SNAP91: variants seen among roughly 807,000 people sequenced by gnomAD.
SNAP91 encodes synaptosome associated protein 91.
In SNAP91, 27 loss-of-function variants were observed where a neutral mutation model predicts 100.3. That is an observed-to-expected ratio of 0.27 (90% confidence interval 0.20 to 0.37). The LOEUF (loss-of-function observed/expected upper bound fraction) is 0.37, where lower values mean the gene tolerates loss of function less well. Ranked by LOEUF, SNAP91 falls within the 10% of genes least tolerant of loss-of-function variation. SNAP91 has a pLI of 1.00. For missense variants in SNAP91, 986 were observed against 1,123.7 expected, an observed-to-expected ratio of 0.88 and a Z score of 1.75; for synonymous variants, 404 against 398.6, an observed-to-expected ratio of 1.01 and a Z score of -0.16.
rs564882446 is a variant in SNAP91 at position 83,702,651 on chromosome 6, ATTGAG to A, written c.130+5142_130+5146del. The stretch of plus-strand genomic sequence containing the variant: ...ACTAAAACAACTTTTTAAAAATCAA[ATTGAG>A]TTATCAATTTTATTCTAAGAAAGTA... On this transcript the variant is annotated intron_variant, in intron 2 of 29. Transcript: ENST00000369694. 4.6e-5 allele frequency among the ~76,000 whole-genome samples: 7 copies of A among 152,250 alleles called. No homozygotes were observed. The South Asian group carries it at 1.0e-3, about 23-fold the overall frequency.
chr6:83,633,257 T>C (rs762597420), intron 8 of SNAP91, among the ~76,000 whole-genome samples: 1 of 152,176 alleles, frequency 6.6e-6, no homozygotes, highest in African/African-American at 2.4e-5. Context: ...CTCTCAGCCA[T>C]GTATACCAGC....
chr6:83,592,422 T>C lies in SNAP91; in HGVS notation c.1930+33A>G, dbSNP rs374030061. ...AAAAATTATTCTGAAGAAAAAAAGA[T>C]TCCTTAAGTGTTGATGGAGGAGAAA... On this transcript the variant is annotated intron_variant, in intron 21 of 29. Coordinates refer to ENST00000369694, the MANE Select transcript of SNAP91 (RefSeq NM_001242792.2). 78 of 1,404,796 alleles carry C rather than the reference T, an allele frequency of 5.6e-5. No homozygotes were observed. In the Admixed American group the frequency reaches 6.1e-4, roughly 11 times the overall value. The allele number at this position is 1,404,796 out of a possible 1,614,324, so 87.0% of individuals were successfully genotyped here.
intron 23 of SNAP91, among the ~76,000 whole-genome samples, 172 bp downstream of exon 23, chr6:83,582,050 A>G (rs573532207): frequency 1.3e-5 from 2 of 151,246 alleles, no homozygotes; most frequent in African/African-American, 4.9e-5. Flanking sequence ...ACCAATGTGT[A>G]CTATAAATTT....
intron 7 of SNAP91, among the ~76,000 whole-genome samples, chr6:83,652,616 T>C (rs1009136232): frequency 2.6e-5 from 4 of 152,148 alleles, no homozygotes; most frequent in Non-Finnish European, 2.9e-5. Flanking sequence ...TTGAACAAAC[T>C]GTTGTCTGTC....
chr6:83,591,297 A>G lies in SNAP91; in HGVS notation c.1931-3T>C. 1 of 1,601,698 alleles carries G rather than the reference A, an allele frequency of 6.2e-7. No homozygotes were observed. Among genetic ancestry groups the G allele is most frequent in the Non-Finnish European group, 8.6e-7 (1 of 1,168,868 alleles). ...AGAAGCACTACTTCCAAATGCATCT[A>G]TCCGTTATCCATTGTGCAGCGGAAA... On this transcript the variant is annotated splice_polypyrimidine_tract_variant and splice_region_variant and intron_variant, in intron 21 of 29. Transcript: ENST00000369694.
rs528976783 is a variant in SNAP91, at chr6:83,671,291, G to A, written c.131-5710C>T. Among the ~76,000 whole-genome samples the A allele has an allele frequency of 4.6e-5, 7 of 152,004 alleles. No individual in the cohort carries two copies. In the South Asian group the frequency reaches 1.2e-3, roughly 27 times the overall value. On this transcript the variant is annotated intron_variant, in intron 2 of 29. Transcript: ENST00000369694. ...ATGGGGATATTTATTTTTCATTTCA[G>A]TATCTAAATGTTCTTGCCAATATTG...
At chr6:83,671,991 G>C (rs2128831481) in intron 2 of SNAP91, among the ~76,000 whole-genome samples, 1 of 151,890 alleles carries the variant, frequency 6.6e-6, no homozygotes, top group South Asian at 2.1e-4. Flanking sequence ...GCTGTCACTT[G>C]CTCAAAACCC....
intron 29 of SNAP91, among the ~76,000 whole-genome samples, chr6:83,554,971 T>C (rs1011874074): frequency 6.6e-6 from 1 of 152,192 alleles, no homozygotes; most frequent in African/African-American, 2.4e-5. Flanking sequence ...GCAAGGACTG[T>C]CTCAAGCATA....
At chr6:83,692,920 A>C (rs1417990275) in intron 2 of SNAP91, among the ~76,000 whole-genome samples, 1 of 151,996 alleles carries the variant, frequency 6.6e-6, no homozygotes, top group African/African-American at 2.4e-5. Context: ...TCCCAAAACA[A>C]TCATATGGTC....
At chr6:83,615,183 C>T (rs1201735816) in intron 10 of SNAP91, among the ~76,000 whole-genome samples, 1 of 151,932 alleles carries the variant, frequency 6.6e-6, no homozygotes, top group African/African-American at 2.4e-5. Flanking sequence ...GAAGTCAGGG[C>T]TAATGAGACC....
In SNAP91 at chr6:83,617,135, T is replaced by C. The variant is rs1417497035; in HGVS notation, c.808-96A>G. On this transcript the variant is annotated intron_variant, in intron 9 of 29. Transcript: ENST00000369694. The stretch of plus-strand genomic sequence containing the variant: ...TAACTGTATGGTGGAAGTCTGTGGA[T>C]GGACCCCGATATATATGTGAGATAA... The C allele has an allele frequency of 7.7e-5, 51 of 664,460 alleles. 1 individual carries two copies. Among genetic ancestry groups the C allele is most frequent in the Non-Finnish European group, 1.2e-4 (49 of 405,600 alleles). 41.2% of individuals were successfully genotyped at this position (664,460 alleles called of 1,614,324 possible). A position where few individuals can be genotyped will look rare whatever the true frequency, so the allele number is the denominator to read the frequency against.
chr6:83,583,484 C>A (rs959237741), intron 22 of SNAP91, among the ~76,000 whole-genome samples: 2 of 152,166 alleles, frequency 1.3e-5, no homozygotes, highest in African/African-American at 4.8e-5. Context: ...TATCCTTTGA[C>A]GGCTGGAAGC....
intron 6 of SNAP91, among the ~76,000 whole-genome samples, chr6:83,657,451 A>G (rs949138012): frequency 3.3e-5 from 5 of 152,224 alleles, no homozygotes; most frequent in Non-Finnish European, 1.5e-5. Context: ...AGGTCAAGGA[A>G]AGTAAAGAAA....
chr6:83,570,837 G>T lies in SNAP91; in HGVS notation c.2442+4173C>A, dbSNP rs193033801. Reference sequence around the variant, plus strand: ...GGCAGAAGTTTGCTGCAGGGGCAGGGCTCTCATGGAGAACCTCTGTTAGGG... The same window carrying T: ...GGCAGAAGTTTGCTGCAGGGGCAGGTCTCTCATGGAGAACCTCTGTTAGGG... On this transcript the variant is annotated intron_variant, in intron 26 of 29. Transcript: ENST00000369694. Among the ~76,000 whole-genome samples the T allele has an allele frequency of 5.7e-3, 870 of 152,260 alleles. 6 individuals are homozygous for T. The highest frequency in any genetic ancestry group is 0.02 in the African/African-American group (825 of 41,534).
At chr6:83,566,413 T>G (rs1796656779) in intron 26 of SNAP91, among the ~76,000 whole-genome samples, 1 of 152,224 alleles carries the variant, frequency 6.6e-6, no homozygotes, top group Admixed American at 6.5e-5. Context: ...AAAATTATAT[T>G]TCATATTAAT....
intron 26 of SNAP91, among the ~76,000 whole-genome samples, chr6:83,570,800 C>T (rs1805970844): frequency 6.6e-6 from 1 of 152,194 alleles, no homozygotes; most frequent in Non-Finnish European, 1.5e-5. Context: ...TATGGAAACA[C>T]CTGGATGCTC....
At chr6:83,657,803 G>A (rs1384100290) in intron 6 of SNAP91, among the ~76,000 whole-genome samples, 1 of 149,536 alleles carries the variant, frequency 6.7e-6, no homozygotes, top group African/African-American at 2.5e-5. Context: ...GTCTCACTCT[G>A]TCGTCTAGAC....
intron 8 of SNAP91, 95 bp downstream of exon 8, chr6:83,641,001 A>G (rs540564288): frequency 5.8e-6 from 4 of 684,968 alleles, no homozygotes; most frequent in East Asian, 3.3e-5. Flanking sequence ...ACCCTAATAT[A>G]CTGTGACTCT....
rs374512705 is a variant in SNAP91 at position 83,656,651 on chromosome 6, C to T, written c.658+103G>A. ...ACTTACTCACTATCATGATATTCCACACAATATTGCCCACCAAGTGAGACA... is the reference window on the plus strand; with the variant it reads ...ACTTACTCACTATCATGATATTCCATACAATATTGCCCACCAAGTGAGACA... On this transcript the variant is annotated intron_variant, in intron 7 of 29. Coordinates refer to ENST00000369694, the MANE Select transcript of SNAP91 (RefSeq NM_001242792.2). 7.0e-4 allele frequency: 354 copies of T among 504,388 alleles called. 3 individuals are homozygous for T. The Admixed American group carries it at 0.011, about 16-fold the overall frequency. The allele number at this position is 504,388 out of a possible 1,614,324, so 31.2% of individuals were successfully genotyped here. A position where few individuals can be genotyped will look rare whatever the true frequency, so the allele number is the denominator to read the frequency against.
Sources: gnomAD v4.1 joint callset for allele counts (sites outside exome capture counted in the v4.1 genomes callset) on GRCh38, gnomAD v4.1.1 for gene constraint, MANE v1.5 for transcripts, NCBI Gene and HGNC (gene_info 2026-07-23, HGNC 2026-07-21) for gene names.